Variants in RRBP1 observed in about 807,000 individuals in gnomAD.
RRBP1 encodes the protein ribosome-binding protein 1.
A neutral mutation model predicts 165.2 loss-of-function variants in RRBP1; 94 were observed. The observed-to-expected ratio is 0.57, with a 90% confidence interval of 0.48 to 0.68. RRBP1 has a LOEUF of 0.68. Among genes scored for constraint, RRBP1 ranks in the 30% least tolerant of loss-of-function variants. RRBP1 has a pLI of 0.00. For missense variants in RRBP1, 1,676 were observed against 1,763.0 expected (o/e 0.95, Z 0.88); for synonymous variants, 680 against 714.5 (o/e 0.95, Z 0.77).
chr20:17,627,607 T>G lies in RRBP1; in HGVS notation c.2825A>C (p.Gln942Pro), dbSNP rs2036053709. Residue 942 changes from glutamine to proline, a missense_variant, in exon 10 of 25, where the codon CAG (glutamine) becomes CCG (proline). Coordinates refer to ENST00000377813, the MANE Select transcript of RRBP1 (RefSeq NM_001365613.2). ...KCEELSGLHG[Q>P]LQEARAENSQ... ...GTTCTCCGCCCTGGCCTCCTGGAGCTGCCCGTGGAGGCCACTCAGCTCCTC... is the reference window on the plus strand; with the variant it reads ...GTTCTCCGCCCTGGCCTCCTGGAGCGGCCCGTGGAGGCCACTCAGCTCCTC... 1 of 1,613,330 alleles carries G rather than the reference T, an allele frequency of 6.2e-7. No homozygotes were observed. Among genetic ancestry groups the G allele is most frequent in the Admixed American group, 1.7e-5 (1 of 59,978 alleles).
Position 17,652,616 on chromosome 20 carries a change from C to T in RRBP1, c.1912+5980G>A, listed in dbSNP as rs1267125861. Among the ~76,000 whole-genome samples, 3 of 152,188 alleles carry T rather than the reference C, an allele frequency of 2.0e-5. No individual in the cohort carries two copies. The East Asian group carries it at 5.8e-4, about 29-fold the overall frequency. ...TTCTAGATGCCCAGGGCCAGTCAGC[C>T]CACCCGGAGTTCTGCCTACAGTTGC... On this transcript the variant is annotated intron_variant, in intron 3 of 24. Coordinates refer to ENST00000377813, the MANE Select transcript of RRBP1 (RefSeq NM_001365613.2).
At chr20:17,622,281 T>C (rs1006107915) in intron 13 of RRBP1, among the ~76,000 whole-genome samples, 1 of 152,088 alleles carries the variant, frequency 6.6e-6, no homozygotes, top group African/African-American at 2.4e-5. Context: ...TCTCTGGGCA[T>C]GTGTGCATGT....
At chr20:17,639,913 A>G (rs1262026061) in intron 5 of RRBP1, among the ~76,000 whole-genome samples, 11 of 150,654 alleles carry the variant, frequency 7.3e-5, no homozygotes, top group African/African-American at 2.4e-4. Flanking sequence ...AAAAAAAAAA[A>G]AGAATAAGGT....
At chr20:17,619,560 C>T in intron 19 of RRBP1, 73 bp downstream of exon 19, 3 of 1,103,618 alleles carry the variant, frequency 2.7e-6, no homozygotes, top group Non-Finnish European at 2.6e-6. Context: ...TCCCACAGGG[C>T]TGAGGAGAAG....
chr20:17,671,321 C>T (rs971167452), intron 2 of RRBP1, among the ~76,000 whole-genome samples: 1 of 152,156 alleles, frequency 6.6e-6, no homozygotes, highest in Non-Finnish European at 1.5e-5. Flanking sequence ...TCATCCTTTG[C>T]ATTTAGTTGT....
Position 17,625,846 on chromosome 20 carries a change from T to C in RRBP1, c.2964-244A>G, listed in dbSNP as rs568193489. ...CCCAGAGCTGTCACCAGAGTCCCAG[T>C]TGGTGACACCGGAGAGCTGGGTTTC... On this transcript the variant is annotated intron_variant, in intron 11 of 24. Coordinates refer to ENST00000377813, the MANE Select transcript of RRBP1 (RefSeq NM_001365613.2). Among the ~76,000 whole-genome samples, 244 of 151,824 alleles carry C rather than the reference T, an allele frequency of 1.6e-3. 7 individuals carry two copies. Among genetic ancestry groups the C allele is most frequent in the Admixed American group, 2.0e-3 (31 of 15,274 alleles).
chr20:17,676,312 G>A (rs2037080658), intron 2 of RRBP1, among the ~76,000 whole-genome samples: 1 of 152,228 alleles, frequency 6.6e-6, no homozygotes, highest in African/African-American at 2.4e-5. Context: ...GATGGGACCT[G>A]CTGCGTACAG....
chr20:17,647,234 G>A (rs1019723566), intron 3 of RRBP1, among the ~76,000 whole-genome samples: 1 of 152,266 alleles, frequency 6.6e-6, no homozygotes, highest in Non-Finnish European at 1.5e-5. Context: ...TTGGGCTGTG[G>A]CCAACAGAGG....
chr20:17,650,891 A>C (rs1363327257), intron 3 of RRBP1, among the ~76,000 whole-genome samples: 1 of 152,210 alleles, frequency 6.6e-6, no homozygotes, highest in Non-Finnish European at 1.5e-5. Flanking sequence ...GGATAAAAAT[A>C]GATTTTTTTA....
chr20:17,653,830 T>A (rs2036601294), intron 3 of RRBP1, among the ~76,000 whole-genome samples: 2 of 122,600 alleles, frequency 1.6e-5, no homozygotes, highest in Non-Finnish European at 1.7e-5. Flanking sequence ...CGAGACTCCA[T>A]CTCAAAAAAA....
In RRBP1 at chr20:17,621,949, T is replaced by C; in HGVS notation, c.3148-2A>G. 1 of 1,374,984 alleles carries C rather than the reference T, an allele frequency of 7.3e-7. No homozygotes were observed. 85.2% of individuals were successfully genotyped at this position (1,374,984 alleles called of 1,614,324 possible). ...ACAGAGCTGCTTCTCCGATTCCTCC[T>C]GGGGGGTGGGTGGGGAAGAGCGGAA... On this transcript the variant is annotated splice_acceptor_variant, in intron 13 of 24. Transcript: ENST00000377813. LOFTEE classifies it high-confidence loss of function.
chr20:17,675,806 G>A (rs2037070520), intron 2 of RRBP1, among the ~76,000 whole-genome samples: 1 of 152,192 alleles, frequency 6.6e-6, no homozygotes, highest in South Asian at 2.1e-4. Context: ...GACCAAGGAG[G>A]GTCTTGAACA....
At chr20:17,644,438 G>T (rs536076215) in intron 3 of RRBP1, among the ~76,000 whole-genome samples, 1 of 152,304 alleles carries the variant, frequency 6.6e-6, no homozygotes, top group African/African-American at 2.4e-5. Context: ...ATAAAAACAT[G>T]CATGGCTCAC....
At chr20:17,630,029 G>A (rs2036118072) in intron 8 of RRBP1, 68 bp from the exon 9 acceptor site, 5 of 1,517,304 alleles carry the variant, frequency 3.3e-6, no homozygotes, top group Non-Finnish European at 4.5e-6. Context: ...GCTCTGCGGT[G>A]GAGGCGGACA....
intron 2 of RRBP1, among the ~76,000 whole-genome samples, chr20:17,677,236 C>T (rs73599765): frequency 0.015 from 2,353 of 152,264 alleles, 86 homozygotes; most frequent in East Asian, 0.073. Flanking sequence ...CCCTAACAGA[C>T]CTTGTTTGCT....
chr20:17,618,489 C>T (rs2035843995), intron 20 of RRBP1, 107 bp downstream of exon 20: 3 of 933,416 alleles, frequency 3.2e-6, no homozygotes, highest in South Asian at 1.3e-5. Context: ...CTGTCCCTTC[C>T]CTAGGCTTTA....
chr20:17,675,542 G>T (rs1185533997), intron 2 of RRBP1, among the ~76,000 whole-genome samples: 1 of 149,862 alleles, frequency 6.7e-6, no homozygotes, highest in Non-Finnish European at 1.5e-5. Flanking sequence ...CAGAGAAGGG[G>T]GGCAGGGAGT....
intron 8 of RRBP1, among the ~76,000 whole-genome samples, chr20:17,631,199 G>A (rs926097304): frequency 1.4e-4 from 22 of 152,214 alleles, no homozygotes; most frequent in African/African-American, 4.8e-4. Flanking sequence ...CAGGTGTCCC[G>A]GGCAGGAGCC....
At chr20:17,681,574 CA>C (rs2037189289) in intron 1 of RRBP1, among the ~76,000 whole-genome samples, 1 of 149,364 alleles carries the variant, frequency 6.7e-6, no homozygotes, top group Admixed American at 6.6e-5. Context: ...GCCCGGACTC[CA>C]GCCCGGCAAC....
Sources: allele counts gnomAD v4.1 joint callset (sites outside exome capture counted in the v4.1 genomes callset), GRCh38; gene constraint gnomAD v4.1.1; transcripts MANE v1.5; gene names NCBI Gene and HGNC (gene_info 2026-07-23, HGNC 2026-07-21).